POU6F2: variants seen among roughly 807,000 people sequenced by gnomAD.
POU6F2 encodes the protein POU class 6 homeobox 2, also known as POU domain, class 6, transcription factor 2.
A neutral mutation model predicts 71.3 loss-of-function variants in POU6F2; 31 were observed. The ratio of observed to expected loss-of-function variants is 0.43; its 90% CI spans 0.33 to 0.59. The LOEUF is 0.59. Ranked by LOEUF, POU6F2 falls within the 20% of genes least tolerant of loss-of-function variation. POU6F2 has a pLI of 0.04. For missense variants in POU6F2, 783 were observed against 856.8 expected (o/e 0.91, Z 1.07); for synonymous variants, 347 against 355.7 (o/e 0.98, Z 0.27).
At chr7:39,269,331 G>A (rs4524676) in intron 4 of POU6F2, among the ~76,000 whole-genome samples, 27,308 of 152,136 alleles carry the variant, frequency 0.18, 2,643 homozygotes, top group South Asian at 0.23. Flanking sequence ...TCATTTCAGC[G>A]TGATGTTGAC....
chr7:39,000,436 A>G (rs542477829), intron 1 of POU6F2, among the ~76,000 whole-genome samples: 7 of 152,094 alleles, frequency 4.6e-5, no homozygotes, highest in African/African-American at 1.4e-4. Flanking sequence ...AACAGCCACT[A>G]ATATCAGACT....
rs568786909 is a variant in POU6F2 at position 39,188,763 on chromosome 7, G to A, written c.278-15472G>A. ...CATTCCCTTTCTGGATAAACAACCC[G>A]TCTAAGGATATTCAGTCACATTATC... On this transcript the variant is annotated intron_variant, in intron 2 of 9. Transcript: ENST00000518318. Among the ~76,000 whole-genome samples, 10 of 152,256 alleles carry A rather than the reference G, an allele frequency of 6.6e-5. No individual in the cohort carries two copies. In the East Asian group the frequency reaches 1.5e-3, roughly 23 times the overall value.
chr7:39,144,830 A>C (rs1315197270), intron 2 of POU6F2, among the ~76,000 whole-genome samples: 1 of 152,230 alleles, frequency 6.6e-6, no homozygotes, highest in East Asian at 1.9e-4. Context: ...CATTAGACAC[A>C]CTGCAGGAAC....
chr7:39,200,201 A>G (rs1009718203), intron 2 of POU6F2, among the ~76,000 whole-genome samples: 2 of 152,198 alleles, frequency 1.3e-5, no homozygotes, highest in Admixed American at 6.5e-5. Context: ...AAGGAGATTC[A>G]GCCTTGCCTG....
At chr7:39,072,021 G>A (rs978005630) in intron 1 of POU6F2, among the ~76,000 whole-genome samples, 8 of 152,198 alleles carry the variant, frequency 5.3e-5, no homozygotes, top group African/African-American at 1.9e-4. Flanking sequence ...TGCAGACAGA[G>A]CTCAAATCTC....
chr7:39,217,681 G>A (rs972097655), intron 4 of POU6F2, among the ~76,000 whole-genome samples: 2 of 152,120 alleles, frequency 1.3e-5, no homozygotes, highest in African/African-American at 2.4e-5. Flanking sequence ...CACAAGACAC[G>A]CCATACAATA....
In POU6F2 at chr7:39,464,547, A is replaced by G. The variant is rs994419073; in HGVS notation, c.2024A>G (p.Tyr675Cys). The G allele has an allele frequency of 5.6e-6, 9 of 1,613,170 alleles. No homozygotes were observed. The highest frequency in any genetic ancestry group is 7.6e-6 in the Non-Finnish European group (9 of 1,179,602). ...ACCGAAATTGCTGAGAAGCTGAACTATGACCGAGAAGTAGTTAGAGTTTGG... is the reference window on the plus strand; with the variant it reads ...ACCGAAATTGCTGAGAAGCTGAACTGTGACCGAGAAGTAGTTAGAGTTTGG... The part of the protein sequence containing the change: ...EMTEIAEKLN[Y>C]DREVVRVWFC... Residue 675 changes from tyrosine (Y) to cysteine (C), a missense_variant, in exon 10 of 10, where the codon TAT (tyrosine) becomes TGT (cysteine). By Grantham distance (194) the Tyr-to-Cys change is radical. This residue lies in a region of POU6F2 where 211 missense variants were observed against 283.9 expected (regional missense o/e 0.74). Coordinates refer to ENST00000518318, the MANE Select transcript of POU6F2 (RefSeq NM_001370959.1). This position sits in a 1 kb window ranked among gnomAD's most constrained non-coding sequence, Gnocchi z 4.1.
At chr7:39,354,619 A>T (rs1363297437) in intron 5 of POU6F2, among the ~76,000 whole-genome samples, 1 of 152,212 alleles carries the variant, frequency 6.6e-6, no homozygotes, top group Non-Finnish European at 1.5e-5. Context: ...ATCAGAGTCT[A>T]GATCCTTTTC....
chr7:39,189,371 T>G (rs1469596089), intron 2 of POU6F2, among the ~76,000 whole-genome samples: 1 of 77,232 alleles, frequency 1.3e-5, no homozygotes, highest in Non-Finnish European at 2.3e-5. Context: ...GTATTTTTTG[T>G]TTGTGTGTTT....
chr7:39,429,501 C>A (rs1006258852), intron 6 of POU6F2, among the ~76,000 whole-genome samples: 35 of 152,174 alleles, frequency 2.3e-4, no homozygotes, highest in African/African-American at 8.4e-4. Flanking sequence ...TTCAAGGTAC[C>A]TGTCTTGTTT....
chr7:39,206,401 A>G (rs1401871765), intron 3 of POU6F2, among the ~76,000 whole-genome samples: 1 of 152,218 alleles, frequency 6.6e-6, no homozygotes, highest in Non-Finnish European at 1.5e-5. Flanking sequence ...GGATGTAAAC[A>G]TGTGTTTGTA....
At chr7:39,250,432 C>T (rs960470390) in intron 4 of POU6F2, among the ~76,000 whole-genome samples, 2 of 152,188 alleles carry the variant, frequency 1.3e-5, no homozygotes, top group Non-Finnish European at 2.9e-5. Context: ...AAAGCCTTAT[C>T]TAAAGATGTG....
chr7:39,022,669 A>T (rs1005250056), intron 1 of POU6F2, among the ~76,000 whole-genome samples: 6 of 152,012 alleles, frequency 3.9e-5, no homozygotes, highest in Admixed American at 2.0e-4. Flanking sequence ...TGTGATATTC[A>T]TTGTTTTCAC....
rs111634480 is a variant in POU6F2 at position 39,454,727 on chromosome 7, T to A, written c.1489+3026T>A. ...ATATATATATATATATATATATATA[T>A]AAAATAAGATATATATATATCTTAT... On this transcript the variant is annotated intron_variant, in intron 8 of 9. Coordinates refer to ENST00000518318, the MANE Select transcript of POU6F2 (RefSeq NM_001370959.1). Among the ~76,000 whole-genome samples, 372 of 94,096 alleles carry A rather than the reference T, an allele frequency of 4.0e-3. 1 individual carries two copies. The highest frequency in any genetic ancestry group is 5.1e-3 in the African/African-American group (131 of 25,678). The allele number at this position is 94,096 out of a possible 152,430, so 61.7% of individuals were successfully genotyped here.
intron 3 of POU6F2, among the ~76,000 whole-genome samples, chr7:39,206,896 T>A (rs1794024350): frequency 6.6e-6 from 1 of 152,240 alleles, no homozygotes; most frequent in African/African-American, 2.4e-5. Context: ...CTAGTGTACA[T>A]GTCCCCCAGC....
chr7:39,015,875 A>AGATATATATTATATAT (rs1562670786), intron 1 of POU6F2, among the ~76,000 whole-genome samples: 3 of 77,316 alleles, frequency 3.9e-5, no homozygotes, highest in East Asian at 5.9e-4. Context: ...TATTATATAT[A>AGATATATATTATATAT]GATATATATT....
At chr7:39,304,539 C>T (rs372108045) in intron 4 of POU6F2, among the ~76,000 whole-genome samples, 13 of 81,020 alleles carry the variant, frequency 1.6e-4, no homozygotes, top group African/African-American at 5.6e-4. Flanking sequence ...AATTTAAAGA[C>T]AGGAGAAAAA....
chr7:39,195,015 C>CG (rs1337799059), intron 2 of POU6F2, among the ~76,000 whole-genome samples: 1 of 152,152 alleles, frequency 6.6e-6, no homozygotes, highest in Non-Finnish European at 1.5e-5. Flanking sequence ...CCACGAGGGT[C>CG]CGCGGTTTCA....
intron 2 of POU6F2, among the ~76,000 whole-genome samples, chr7:39,183,681 C>T (rs1030818529): frequency 6.6e-6 from 1 of 152,184 alleles, no homozygotes; most frequent in Non-Finnish European, 1.5e-5. Flanking sequence ...TTCCACAAAA[C>T]TGGTCCCTGG....
Sources: allele counts gnomAD v4.1 joint callset (sites outside exome capture counted in the v4.1 genomes callset), GRCh38; gene constraint gnomAD v4.1.1; regional missense constraint gnomAD v4.1.1; non-coding constraint Gnocchi (gnomAD v3.1); transcripts MANE v1.5; gene names NCBI Gene and HGNC (gene_info 2026-07-23, HGNC 2026-07-21).